The following CCBE1 variants were observed in gnomAD, a reference collection of about 807,000 sequenced individuals.
CCBE1 encodes collagen and calcium-binding EGF domain-containing protein 1.
CCBE1 carries 37 observed loss-of-function variants against 50.0 expected under a neutral mutation model. The ratio of observed to expected loss-of-function variants is 0.74; its 90% CI spans 0.57 to 0.97. The LOEUF is 0.97. Among genes scored for constraint, CCBE1 ranks in the 50% least tolerant of loss-of-function variants. CCBE1 has a pLI of 0.00. For missense variants in CCBE1, 538 were observed against 523.8 expected (o/e 1.03, Z -0.26); for synonymous variants, 234 against 203.7 (o/e 1.15, Z -1.27).
At chr18:59,529,205 G>C (rs1057492883) in intron 2 of CCBE1, among the ~76,000 whole-genome samples, 1 of 152,066 alleles carries the variant, frequency 6.6e-6, no homozygotes, top group African/African-American at 2.4e-5. Context: ...GCCCGGTGAG[G>C]AGAGATGGGT....
intron 2 of CCBE1, among the ~76,000 whole-genome samples, chr18:59,647,927 C>A (rs558477804): frequency 6.6e-6 from 1 of 152,208 alleles, no homozygotes; most frequent in East Asian, 1.9e-4. Flanking sequence ...CTAGATTATT[C>A]CCCGAAACTA....
chr18:59,534,855 T>C (rs896924496), intron 2 of CCBE1, among the ~76,000 whole-genome samples: 2 of 152,228 alleles, frequency 1.3e-5, no homozygotes, highest in Non-Finnish European at 2.9e-5. Flanking sequence ...AGAAATGCTC[T>C]CTTGAGCATG....
chr18:59,631,182 G>T (rs189900895), intron 2 of CCBE1, among the ~76,000 whole-genome samples: 1 of 151,774 alleles, frequency 6.6e-6, no homozygotes, highest in East Asian at 1.9e-4. Flanking sequence ...AGCTCAACAA[G>T]AGTACATTCC....
intron 2 of CCBE1, among the ~76,000 whole-genome samples, chr18:59,658,805 G>A (rs868780822): frequency 1.9e-4 from 28 of 147,800 alleles, no homozygotes; most frequent in African/African-American, 6.5e-4. Flanking sequence ...CCTTGAACCC[G>A]GGCAGTGGAG....
intron 2 of CCBE1, among the ~76,000 whole-genome samples, chr18:59,663,871 A>C (rs1452359751): frequency 6.6e-6 from 1 of 152,164 alleles, no homozygotes; most frequent in Non-Finnish European, 1.5e-5. Flanking sequence ...GGAGGCTGGG[A>C]AGTTGGTGAA....
chr18:59,561,200 G>A (rs1259987983), intron 2 of CCBE1, among the ~76,000 whole-genome samples: 1 of 152,210 alleles, frequency 6.6e-6, no homozygotes, highest in Non-Finnish European at 1.5e-5. Flanking sequence ...GTTTATCAAA[G>A]CTCATGTATG....
At chr18:59,469,261 T>C (rs1431642654) in intron 4 of CCBE1, among the ~76,000 whole-genome samples, 7 of 152,260 alleles carry the variant, frequency 4.6e-5, no homozygotes, top group African/African-American at 1.7e-4. Flanking sequence ...TCATTGCCAA[T>C]TAGGACCTTG....
intron 2 of CCBE1, among the ~76,000 whole-genome samples, chr18:59,607,057 G>GAAAAAAAAAAA (rs59954169): frequency 8.5e-6 from 1 of 117,374 alleles, no homozygotes; most frequent in African/African-American, 3.0e-5. Context: ...GTTGAATTGG[G>GAAAAAAAAAAA]AAAAAAAAAA....
chr18:59,692,716 G>T (rs978809175), intron 2 of CCBE1, among the ~76,000 whole-genome samples: 2 of 152,078 alleles, frequency 1.3e-5, no homozygotes, highest in Non-Finnish European at 2.9e-5. Flanking sequence ...AGAAAAGTGG[G>T]TGTTTTACAT....
intron 2 of CCBE1, among the ~76,000 whole-genome samples, chr18:59,558,003 T>A (rs891313): frequency 1.3e-5 from 2 of 152,126 alleles, no homozygotes; most frequent in Admixed American, 1.3e-4. Context: ...ATGGTAAGTG[T>A]GGGGAAGAGA....
intron 2 of CCBE1, among the ~76,000 whole-genome samples, chr18:59,486,498 A>G (rs546101865): frequency 2.6e-5 from 4 of 152,340 alleles, no homozygotes; most frequent in African/African-American, 7.2e-5. Context: ...ACCAGAAATA[A>G]AAATGCAAGC....
At chr18:59,659,894 C>G (rs529424788) in intron 2 of CCBE1, among the ~76,000 whole-genome samples, 1 of 152,174 alleles carries the variant, frequency 6.6e-6, no homozygotes, top group African/African-American at 2.4e-5. Context: ...CAGAGGTCCC[C>G]CCTCCCAGTT....
chr18:59,669,179 C>T lies in CCBE1; in HGVS notation c.212+27450G>A, dbSNP rs4263038. Reference sequence around the variant, plus strand: ...AGATGAAGTATTGCCTTTTTAGCTACACTTATTTTCCAATATGGTATCACC... The same window carrying T: ...AGATGAAGTATTGCCTTTTTAGCTATACTTATTTTCCAATATGGTATCACC... On this transcript the variant is annotated intron_variant, in intron 2 of 10. Transcript: ENST00000439986. 8.4e-3 allele frequency among the ~76,000 whole-genome samples: 1,272 copies of T among 152,184 alleles called. 8 individuals are homozygous for T. Among genetic ancestry groups the T allele is most frequent in the Non-Finnish European group, 0.013 (906 of 68,024 alleles).
intron 2 of CCBE1, among the ~76,000 whole-genome samples, chr18:59,621,671 C>T (rs1002829535): frequency 1.3e-5 from 2 of 152,172 alleles, no homozygotes. Context: ...AGAGTCACAC[C>T]ATCAGTAGTA....
At chr18:59,653,333 AAAATTGTTCAT>A (rs1426597992) in intron 2 of CCBE1, among the ~76,000 whole-genome samples, 1 of 152,256 alleles carries the variant, frequency 6.6e-6, no homozygotes, top group Admixed American at 6.5e-5. Context: ...GACAGATATC[AAAATTGTTCAT>A]ACCCAGGTTA....
intron 2 of CCBE1, among the ~76,000 whole-genome samples, chr18:59,600,394 T>C (rs998999649): frequency 6.6e-6 from 1 of 152,058 alleles, no homozygotes; most frequent in Non-Finnish European, 1.5e-5. Context: ...TTCTACATTA[T>C]GGTGAGTTGT....
At chr18:59,518,408 T>C (rs1237764180) in intron 2 of CCBE1, among the ~76,000 whole-genome samples, 17 of 152,208 alleles carry the variant, frequency 1.1e-4, no homozygotes, top group Non-Finnish European at 2.4e-4. Flanking sequence ...GAAGGATCAC[T>C]TGAACTTGGG....
At position 59,448,036 on chromosome 18, in the gene CCBE1, G is replaced by T. The variant is rs1451009931; in HGVS notation, c.722C>A (p.Ser241Ter). ...AGGAGGTCCTGGAAGGTAGGTGTTTGAGGCCAGCACCTTGTCACCAGTGAT... is the reference window on the plus strand; with the variant it reads ...AGGAGGTCCTGGAAGGTAGGTGTTTTAGGCCAGCACCTTGTCACCAGTGAT... ...KYITGDKVLA[S>*]NTYLPGPPGL... is the part of the protein sequence containing the mutation. The change falls in exon 7 of 11, where the codon TCA becomes TAA. Residue 241 changes from serine to a stop codon, truncating the protein, a stop_gained. Coordinates refer to ENST00000439986, the MANE Select transcript of CCBE1 (RefSeq NM_133459.4). LOFTEE classifies it high-confidence loss of function. 1 of 1,614,214 alleles carries T rather than the reference G, an allele frequency of 6.2e-7. No homozygotes were observed. Among genetic ancestry groups the T allele is most frequent in the East Asian group, 2.2e-5 (1 of 44,874 alleles).
chr18:59,642,706 T>C (rs920557725), intron 2 of CCBE1, among the ~76,000 whole-genome samples: 1 of 151,916 alleles, frequency 6.6e-6, no homozygotes, highest in African/African-American at 2.4e-5. Context: ...TCCCAGCACT[T>C]TGGGAGGCTG....
Sources: allele counts gnomAD v4.1 joint callset (sites outside exome capture counted in the v4.1 genomes callset), GRCh38; gene constraint gnomAD v4.1.1; transcripts MANE v1.5; gene names NCBI Gene and HGNC (gene_info 2026-07-23, HGNC 2026-07-21).